Variants in RAB4A observed in about 807,000 individuals in gnomAD.
RAB4A encodes the protein RAB4A, member RAS oncogene family.
A neutral mutation model predicts 34.5 loss-of-function variants in RAB4A; 20 were observed. The ratio of observed to expected loss-of-function variants is 0.58; its 90% CI spans 0.41 to 0.84. The LOEUF (loss-of-function observed/expected upper bound fraction) is 0.84, where lower values mean the gene tolerates loss of function less well. RAB4A is among the 40% of genes least tolerant of loss of function. The pLI is 0.00. For synonymous variants in RAB4A, 102 were observed against 100.0 expected (o/e 1.02, Z -0.12); for missense variants, 228 against 274.5 (o/e 0.83, Z 1.20).
intron 6 of RAB4A, among the ~76,000 whole-genome samples, chr1:229,302,305 ATATATTTTTTTT>A (rs1657429777): frequency 5.3e-5 from 2 of 37,862 alleles, no homozygotes; most frequent in South Asian, 1.1e-3. Context: ...ATATATATAT[ATATATTTTTTTT>A]TTTTTTTTAC....
intron 2 of RAB4A, 41 bp downstream of exon 2, chr1:229,286,607 C>A: frequency 2.4e-6 from 3 of 1,227,762 alleles, no homozygotes; most frequent in South Asian, 2.9e-5. Flanking sequence ...TGCATGTCTT[C>A]TGAGAGCCCT....
intron 1 of RAB4A, among the ~76,000 whole-genome samples, chr1:229,271,891 TCTTG>T (rs763822401): frequency 6.6e-6 from 1 of 152,184 alleles, no homozygotes; most frequent in Non-Finnish European, 1.5e-5. Context: ...TCCGGAGACC[TCTTG>T]CTTCGTTTAT....
chr1:229,286,924 G>A (rs996713857), intron 2 of RAB4A, among the ~76,000 whole-genome samples: 1 of 152,194 alleles, frequency 6.6e-6, no homozygotes, highest in African/African-American at 2.4e-5. Context: ...GGTCCTCATA[G>A]TGGGCTTGTG....
chr1:229,292,212 TATA>T lies in RAB4A; in HGVS notation c.227+3380_227+3382del, dbSNP rs566563243. ...TGCACAGGTACCCTAAAACTTAAAG[TATA>T]ATAATAATAAATAAATAAAAGGAAA... On this transcript the variant is annotated intron_variant, in intron 3 of 7. Transcript: ENST00000366690. 6.4e-3 allele frequency among the ~76,000 whole-genome samples: 969 copies of T among 150,456 alleles called. 13 individuals are homozygous for T. Among genetic ancestry groups the T allele is most frequent in the African/African-American group, 0.023 (928 of 40,848 alleles).
At chr1:229,301,532 G>A (rs1041262858) in intron 6 of RAB4A, among the ~76,000 whole-genome samples, 2 of 152,052 alleles carry the variant, frequency 1.3e-5, no homozygotes, top group Non-Finnish European at 2.9e-5. Context: ...CTCAGCATGA[G>A]GTTGTATTTA....
chr1:229,276,652 C>A (rs149750235), intron 1 of RAB4A, among the ~76,000 whole-genome samples: 5 of 151,466 alleles, frequency 3.3e-5, no homozygotes, highest in Admixed American at 3.3e-4. Flanking sequence ...TTAATTCTTC[C>A]CCATCCTTAC....
chr1:229,278,277 C>T (rs1656698847), intron 1 of RAB4A, among the ~76,000 whole-genome samples: 1 of 152,224 alleles, frequency 6.6e-6, no homozygotes, highest in African/African-American at 2.4e-5. Context: ...ACAGCTCCAG[C>T]CCTGGCTACC....
At chr1:229,300,307 T>G (rs921368403) in intron 6 of RAB4A, among the ~76,000 whole-genome samples, 5 of 152,206 alleles carry the variant, frequency 3.3e-5, no homozygotes, top group South Asian at 2.1e-4. Context: ...AAGTCATGTA[T>G]GTAGGAGGTT....
intron 1 of RAB4A, among the ~76,000 whole-genome samples, chr1:229,279,661 C>T (rs955398938): frequency 6.6e-6 from 1 of 152,130 alleles, no homozygotes; most frequent in Non-Finnish European, 1.5e-5. Flanking sequence ...CTGACATTTG[C>T]TCAAGATTGA....
rs1223668730 is a variant in RAB4A at position 229,305,571 on chromosome 1, T to C, written c.*1778T>C. The C allele has an allele frequency of 3.8e-6, 1 of 260,988 alleles. No homozygotes were observed. Among genetic ancestry groups the C allele is most frequent in the African/African-American group, 2.2e-5 (1 of 45,452 alleles). The allele number at this position is 260,988 out of a possible 1,614,324, so 16.2% of individuals were successfully genotyped here. ...AGGAGGAGAGATAATTGGGTATTGT[T>C]CAGGCTAGTAATAAATGTCATGTTT... is the stretch of plus-strand genomic sequence containing the variant. On this transcript the variant is annotated 3_prime_UTR_variant, in exon 8 of 8. Transcript: ENST00000366690.
At position 229,271,240 on chromosome 1, in the gene RAB4A, C is replaced by G; in HGVS notation, c.-100C>G. 8.4e-7 allele frequency: 1 copy of G among 1,197,334 alleles called. No individual in the cohort carries two copies. Among genetic ancestry groups the G allele is most frequent in the Non-Finnish European group, 1.1e-6 (1 of 948,118 alleles). 74.2% of individuals were successfully genotyped at this position (1,197,334 alleles called of 1,614,324 possible). The stretch of plus-strand genomic sequence containing the variant: ...GTGGGGACCGGTCGGGCCCCTCCCT[C>G]CTCCGGTCCCCCGCCCCAGGTCCTT... On this transcript the variant is annotated 5_prime_UTR_variant, in exon 1 of 8. Coordinates refer to ENST00000366690, the MANE Select transcript of RAB4A (RefSeq NM_004578.4).
intron 1 of RAB4A, among the ~76,000 whole-genome samples, chr1:229,284,083 G>GTT (rs1491109263): frequency 0.011 from 1,178 of 106,080 alleles, 30 homozygotes; most frequent in African/African-American, 0.04. Context: ...TTTTGTTGTT[G>GTT]GTGTTGTTTG....
chr1:229,279,487 G>A (rs906897221), intron 1 of RAB4A, among the ~76,000 whole-genome samples: 3 of 152,128 alleles, frequency 2.0e-5, no homozygotes, highest in Non-Finnish European at 4.4e-5. Flanking sequence ...TGCAGTTTGG[G>A]GCATTAGGTA....
intron 3 of RAB4A, among the ~76,000 whole-genome samples, chr1:229,293,343 G>A (rs1657143844): frequency 6.6e-6 from 1 of 152,198 alleles, no homozygotes; most frequent in African/African-American, 2.4e-5. Context: ...AGAGGGCTGA[G>A]GTGAGGCTAT....
intron 6 of RAB4A, 141 bp from the exon 7 acceptor site, chr1:229,302,721 T>G: frequency 3.4e-6 from 2 of 586,874 alleles, no homozygotes; most frequent in Non-Finnish European, 5.8e-6. Flanking sequence ...CAAGCAAACA[T>G]ATATATAGTT....
intron 3 of RAB4A, among the ~76,000 whole-genome samples, chr1:229,295,235 C>T (rs557073619): frequency 2.0e-5 from 3 of 152,080 alleles, no homozygotes; most frequent in South Asian, 2.1e-4. Flanking sequence ...TATAGGTGTC[C>T]GGCCACTAAT....
At chr1:229,303,538 G>C (rs887252589) in intron 7 of RAB4A, among the ~76,000 whole-genome samples, 8 of 152,166 alleles carry the variant, frequency 5.3e-5, no homozygotes, top group East Asian at 1.9e-4. Context: ...GCCCTTCCTG[G>C]ATTGATTGAG....
chr1:229,295,995 T>G, intron 4 of RAB4A, 85 bp downstream of exon 4: 4 of 1,339,492 alleles, frequency 3.0e-6, no homozygotes, highest in Non-Finnish European at 4.2e-6. Flanking sequence ...CTCCGTGCAG[T>G]GTGTGCTTTG....
rs11339660 is a variant in RAB4A at position 229,274,049 on chromosome 1, C to CTTTT, written c.31+2697_31+2700dup. On this transcript the variant is annotated intron_variant, in intron 1 of 7. Transcript: ENST00000366690. Reference sequence around the variant, plus strand: ...TGAAATGTACTGGGTTTTTGTTTCCCTTTTTTTTTTTTTTTTTTTTTGAGA... The same window carrying CTTTT: ...TGAAATGTACTGGGTTTTTGTTTCCCTTTTTTTTTTTTTTTTTTTTTTTTTGAGA... 1.8e-3 allele frequency among the ~76,000 whole-genome samples: 153 copies of CTTTT among 86,834 alleles called. 2 individuals carry two copies. Among genetic ancestry groups the CTTTT allele is most frequent in the Admixed American group, 2.6e-3 (17 of 6,528 alleles). The allele number at this position is 86,834 out of a possible 152,430, so 57.0% of individuals were successfully genotyped here.
Sources: gnomAD v4.1 joint callset for allele counts (sites outside exome capture counted in the v4.1 genomes callset) on GRCh38, gnomAD v4.1.1 for gene constraint, MANE v1.5 for transcripts, NCBI Gene and HGNC (gene_info 2026-07-23, HGNC 2026-07-21) for gene names.